The following PTPA variants were observed in gnomAD, a reference collection of about 807,000 sequenced individuals.
PTPA encodes serine/threonine-protein phosphatase 2A activator.
A neutral mutation model predicts 43.6 loss-of-function variants in PTPA; 13 were observed. The ratio of observed to expected loss-of-function variants is 0.30; its 90% confidence interval spans 0.19 to 0.47. The LOEUF (loss-of-function observed/expected upper bound fraction) is 0.47, where lower values mean the gene tolerates loss of function less well. Among genes scored for constraint, PTPA ranks in the 20% least tolerant of loss-of-function variants. The pLI, the probability that PTPA is intolerant of heterozygous loss-of-function variation, is 0.99. For synonymous variants in PTPA, 172 were observed against 158.2 expected (o/e 1.09, Z -0.66); for missense variants, 329 against 411.9 (o/e 0.80, Z 1.74).
rs1850386000 is a variant in PTPA, at chr9:129,136,610, G to A, written c.685+15G>A. ...GCAGCTGATAGGTACTAGAGCGGGA[G>A]GTGCCTATCCCTCCACCCCCAACCA... On this transcript the variant is annotated intron_variant, in intron 7 of 9. Coordinates refer to ENST00000393370, the MANE Select transcript of PTPA (RefSeq NM_178000.3). 6.2e-7 allele frequency: 1 copy of A among 1,601,174 alleles called. No individual in the cohort carries two copies. The highest frequency in any genetic ancestry group is 8.5e-7 in the Non-Finnish European group (1 of 1,172,496).
At chr9:129,133,102 G>A (rs1588513497) in intron 5 of PTPA, among the ~76,000 whole-genome samples, 1 of 151,960 alleles carries the variant, frequency 6.6e-6, no homozygotes, top group African/African-American at 2.4e-5. Flanking sequence ...CAAAAATAGA[G>A]AAGGGAGGCG....
chr9:129,142,189 A>C, intron 8 of PTPA: 1 of 395,346 alleles, frequency 2.5e-6, no homozygotes, highest in Non-Finnish European at 4.5e-6. Context: ...TAGGTGGGCA[A>C]GGAATGTTAT....
intron 3 of PTPA, among the ~76,000 whole-genome samples, chr9:129,126,360 A>C (rs1849579678): frequency 6.6e-6 from 1 of 151,502 alleles, no homozygotes; most frequent in African/African-American, 2.4e-5. Flanking sequence ...TTGTATTTTT[A>C]GTAGAGATGG....
intron 5 of PTPA, among the ~76,000 whole-genome samples, chr9:129,132,193 A>T (rs1444499702): frequency 6.6e-6 from 1 of 151,992 alleles, no homozygotes; most frequent in Non-Finnish European, 1.5e-5. Context: ...AGACAGGTGC[A>T]GTGGTGCGTG....
chr9:129,142,262 T>G, intron 8 of PTPA, 183 bp from the exon 9 acceptor site: 2 of 497,890 alleles, frequency 4.0e-6, no homozygotes, highest in Non-Finnish European at 6.9e-6. Flanking sequence ...CATGTGCCTG[T>G]TTGTATGTTT....
At chr9:129,125,247 C>A (rs568367275) in intron 3 of PTPA, among the ~76,000 whole-genome samples, 3 of 152,008 alleles carry the variant, frequency 2.0e-5, no homozygotes, top group Admixed American at 2.0e-4. Context: ...TAGCCATCCA[C>A]ACCAAGCAGG....
At chr9:129,144,114 A>G (rs2131629862) in intron 9 of PTPA, among the ~76,000 whole-genome samples, 1 of 152,004 alleles carries the variant, frequency 6.6e-6, no homozygotes, top group South Asian at 2.1e-4. Context: ...GGATAGGGCA[A>G]GAGACCCTGT....
At position 129,114,939 on chromosome 9, in the gene PTPA, G is replaced by A. The variant is rs142449489; in HGVS notation, c.31+3308G>A. ...GTAGCCTTTTCCCAAACATGGACTG[G>A]CCTGAAGGCTCTCTTCCTGTGAAAT... On this transcript the variant is annotated intron_variant, in intron 1 of 9. Transcript: ENST00000393370. 3.7e-4 allele frequency among the ~76,000 whole-genome samples: 56 copies of A among 152,274 alleles called. No individual in the cohort carries two copies. In the East Asian group the frequency reaches 0.01, roughly 28 times the overall value.
At chr9:129,140,704 G>A (rs1850730968) in intron 8 of PTPA, among the ~76,000 whole-genome samples, 1 of 151,692 alleles carries the variant, frequency 6.6e-6, no homozygotes, top group Admixed American at 6.6e-5. Flanking sequence ...TCCAGAGAGT[G>A]AAACTGGTTA....
chr9:129,111,090 G>T (rs944201949), upstream of PTPA: 2 of 1,357,508 alleles, frequency 1.5e-6, no homozygotes, highest in Non-Finnish European at 9.9e-7. Flanking sequence ...CTCTTAGAGT[G>T]ATAGGAAAAC....
chr9:129,143,130 T>A, intron 9 of PTPA: 1 of 613,178 alleles, frequency 1.6e-6, no homozygotes, highest in East Asian at 2.7e-5. Flanking sequence ...GAGCTCCCCC[T>A]GCTGGCAGGC....
chr9:129,126,205 A>G (rs1001464115), intron 3 of PTPA, among the ~76,000 whole-genome samples: 4 of 151,556 alleles, frequency 2.6e-5, no homozygotes, highest in Non-Finnish European at 5.9e-5. Flanking sequence ...TTTTATTTTT[A>G]TTTTTATTTT....
intron 6 of PTPA, among the ~76,000 whole-genome samples, chr9:129,135,828 A>G (rs1488495482): frequency 6.6e-6 from 1 of 152,234 alleles, no homozygotes; most frequent in African/African-American, 2.4e-5. Flanking sequence ...AACCTAGGAG[A>G]TAACCTGCTG....
rs576603355 is a variant in PTPA at position 129,143,865 on chromosome 9, G to A, written c.894+1313G>A. Among the ~76,000 whole-genome samples the A allele has an allele frequency of 1.5e-4, 23 of 151,388 alleles. No homozygotes were observed. The South Asian group carries it at 2.9e-3, about 19-fold the overall frequency. ...TCCTGATGTTCCTGACCCCACCCCC[G>A]CCTGTCCCACAGTGGGGGCTGCTGG... On this transcript the variant is annotated intron_variant, in intron 9 of 9. Transcript: ENST00000393370.
At position 129,120,575 on chromosome 9, in the gene PTPA, A is replaced by G; in HGVS notation, c.94A>G (p.Thr32Ala). 6.2e-7 allele frequency: 1 copy of G among 1,613,704 alleles called. No individual in the cohort carries two copies. The highest frequency in any genetic ancestry group is 8.5e-7 in the Non-Finnish European group (1 of 1,179,732). Reference sequence around the variant, plus strand: ...CATCATTCCAAAAAAGGAGATCCACACAGTTCCAGACATGGGCAAATGGAA... The same window carrying G: ...CATCATTCCAAAAAAGGAGATCCACGCAGTTCCAGACATGGGCAAATGGAA... ...NFIIPKKEIHTVPDMGKWKRS... is the reference protein window; with the variant it reads ...NFIIPKKEIHAVPDMGKWKRS... The change falls in exon 2 of 10, where the codon ACA becomes GCA. Residue 32 changes from threonine to alanine, a missense_variant. Coordinates refer to ENST00000393370, the MANE Select transcript of PTPA (RefSeq NM_178000.3).
At chr9:129,128,408 C>A (rs558567788) in intron 3 of PTPA, among the ~76,000 whole-genome samples, 1 of 151,754 alleles carries the variant, frequency 6.6e-6, no homozygotes, top group Non-Finnish European at 1.5e-5. Context: ...TGGTGGTGTG[C>A]GCCTTTAGTC....
chr9:129,147,807 C>T lies in PTPA; in HGVS notation c.*343C>T. 9.6e-6 allele frequency: 3 copies of T among 312,946 alleles called. No individual in the cohort carries two copies. Among genetic ancestry groups the T allele is most frequent in the South Asian group, 6.6e-5 (2 of 30,202 alleles). 19.4% of individuals were successfully genotyped at this position (312,946 alleles called of 1,614,324 possible). On this transcript the variant is annotated 3_prime_UTR_variant, in exon 10 of 10. Coordinates refer to ENST00000393370, the MANE Select transcript of PTPA (RefSeq NM_178000.3). ...GGTTTTGAGAGCAGGGGCTGTTCTGCAGCACCGCAGGGAAGGGAGGAGAGA... is the reference window on the plus strand; with the variant it reads ...GGTTTTGAGAGCAGGGGCTGTTCTGTAGCACCGCAGGGAAGGGAGGAGAGA...
At chr9:129,110,950 A>C, upstream of PTPA, 10 of 1,359,438 alleles carry the variant, frequency 7.4e-6, no homozygotes, top group Non-Finnish European at 9.9e-6. The surrounding 1 kb of genome is among the most constrained non-coding windows in gnomAD (Gnocchi z 5.3). Context: ...AGGGCGAGTC[A>C]TTGAGACCTG....
Position 129,120,497 on chromosome 9 carries a change from AT to A in PTPA, c.32-7del, listed in dbSNP as rs535595103. 1.3e-4 allele frequency: 192 copies of A among 1,500,996 alleles called. No homozygotes were observed. Among genetic ancestry groups the A allele is most frequent in the Middle Eastern group, 5.4e-4 (3 of 5,600 alleles). The allele number at this position is 1,500,996 out of a possible 1,614,324, so 93.0% of individuals were successfully genotyped here. A position where few individuals can be genotyped will look rare whatever the true frequency, so the allele number is the denominator to read the frequency against. ...ATTCTATTTATCTGTTTGTTTTTTC[AT>A]TTTTTTTTGTCAAGATTCTTCAGAG... is the stretch of plus-strand genomic sequence containing the variant. On this transcript the variant is annotated splice_polypyrimidine_tract_variant and intron_variant, in intron 1 of 9. Coordinates refer to ENST00000393370, the MANE Select transcript of PTPA (RefSeq NM_178000.3).
Sources: allele counts gnomAD v4.1 joint callset (sites outside exome capture counted in the v4.1 genomes callset), GRCh38; gene constraint gnomAD v4.1.1; non-coding constraint Gnocchi (gnomAD v3.1); transcripts MANE v1.5; gene names NCBI Gene and HGNC (gene_info 2026-07-23, HGNC 2026-07-21).